Variants in THEM4 observed in about 807,000 individuals in gnomAD.
THEM4 encodes thioesterase superfamily member 4.
A neutral mutation model predicts 25.0 loss-of-function variants in THEM4; 22 were observed. That is an observed-to-expected ratio of 0.88 (90% CI 0.63 to 1.26). The LOEUF (loss-of-function observed/expected upper bound fraction) is 1.26. Among genes scored for constraint, THEM4 ranks in the 50% most tolerant of loss-of-function variants. The pLI is 0.00. For synonymous variants in THEM4, 113 were observed against 105.6 expected (o/e 1.07, Z -0.43); for missense variants, 286 against 300.3 (o/e 0.95, Z 0.35).
intron 1 of THEM4, 24 bp from the exon 2 acceptor site, chr1:151,895,218 AG>A: frequency 6.4e-7 from 1 of 1,568,054 alleles, no homozygotes; most frequent in East Asian, 2.3e-5. Flanking sequence ...GAAAAAGAAA[AG>A]TAAGTAATGG....
chr1:151,909,197 T>C (rs1008330935), intron 1 of THEM4, among the ~76,000 whole-genome samples, 163 bp downstream of exon 1: 1 of 152,222 alleles, frequency 6.6e-6, no homozygotes, highest in Non-Finnish European at 1.5e-5. Context: ...ATCTCAGGAC[T>C]GTATTCCTAG....
Position 151,874,811 on chromosome 1 carries a change from G to A in THEM4, c.*77C>T. On this transcript the variant is annotated 3_prime_UTR_variant, in exon 6 of 6. Coordinates refer to ENST00000368814, the MANE Select transcript of THEM4 (RefSeq NM_053055.5). ...GGCTTCTCCCTACAGGGATTCAGCA[G>A]TGAGGGAGCAGAGTATTTGGGGGAC... 3 of 1,353,654 alleles carry A rather than the reference G, an allele frequency of 2.2e-6. No homozygotes were observed. Among genetic ancestry groups the A allele is most frequent in the Admixed American group, 1.7e-5 (1 of 59,580 alleles). The allele number at this position is 1,353,654 out of a possible 1,614,324, so 83.9% of individuals were successfully genotyped here.
chr1:151,904,195 A>G (rs543302502), intron 1 of THEM4, among the ~76,000 whole-genome samples: 2 of 152,202 alleles, frequency 1.3e-5, no homozygotes, highest in Non-Finnish European at 2.9e-5. Flanking sequence ...CTAGGGTTTC[A>G]GCCTTCATAT....
At chr1:151,908,772 G>C (rs1432032342) in intron 1 of THEM4, among the ~76,000 whole-genome samples, 1 of 152,154 alleles carries the variant, frequency 6.6e-6, no homozygotes, top group African/African-American at 2.4e-5. Context: ...GCCTGCATAA[G>C]AGGGGCGATC....
In THEM4 at chr1:151,888,315, C is replaced by T; in HGVS notation, c.515G>A (p.Gly172Glu). 1.2e-6 allele frequency: 2 copies of T among 1,613,556 alleles called. No homozygotes were observed. The highest frequency in any genetic ancestry group is 1.7e-4 in the Middle Eastern group (1 of 6,050). Residue 172 changes from glycine to glutamate, a missense_variant, in exon 4 of 6, where the codon GGG (glycine) becomes GAG (glutamate). Physicochemically the swap from Gly to Glu is moderately conservative, Grantham distance 98 (BLOSUM62 -2). Coordinates refer to ENST00000368814, the MANE Select transcript of THEM4 (RefSeq NM_053055.5). ...GAGATTGGCAGTCATGACGATTCCC[C>T]CAGCCATCATTGCACACATACCAAC... ...ATVGMCAMMAGGIVMTANLNI... is the reference protein window; with the variant it reads ...ATVGMCAMMAEGIVMTANLNI...
intron 4 of THEM4, among the ~76,000 whole-genome samples, chr1:151,887,398 C>T (rs375038207): frequency 1.3e-5 from 2 of 151,580 alleles, no homozygotes; most frequent in African/African-American, 4.8e-5. Flanking sequence ...CCACCACACT[C>T]CAGCCTGAGC....
chr1:151,892,451 G>A (rs1271723242), intron 2 of THEM4, among the ~76,000 whole-genome samples: 1 of 152,178 alleles, frequency 6.6e-6, no homozygotes, highest in Non-Finnish European at 1.5e-5. Context: ...ATTGTGCTGG[G>A]ATAAGGACAG....
intron 2 of THEM4, among the ~76,000 whole-genome samples, chr1:151,892,262 G>C (rs1195223665): frequency 6.6e-6 from 1 of 152,184 alleles, no homozygotes. Flanking sequence ...GGAGCAAGTA[G>C]AAGGAGGAGG....
intron 2 of THEM4, among the ~76,000 whole-genome samples, chr1:151,893,787 AGGGAG>A (rs1473726214): frequency 6.6e-6 from 1 of 152,158 alleles, no homozygotes; most frequent in East Asian, 1.9e-4. Flanking sequence ...TCATCCAGTA[AGGGAG>A]GAGAGTGAAT....
At chr1:151,886,083 G>A (rs1653962975) in intron 4 of THEM4, among the ~76,000 whole-genome samples, 1 of 152,098 alleles carries the variant, frequency 6.6e-6, no homozygotes, top group African/African-American at 2.4e-5. Context: ...CTGGTCTTTA[G>A]TCATCAACTA....
intron 1 of THEM4, among the ~76,000 whole-genome samples, chr1:151,895,726 C>T (rs1393139368): frequency 2.0e-5 from 3 of 151,640 alleles, no homozygotes; most frequent in African/African-American, 7.3e-5. Context: ...TGTGTGTTCC[C>T]GCTCAAATCT....
At chr1:151,886,414 G>A (rs1384525262) in intron 4 of THEM4, among the ~76,000 whole-genome samples, 1 of 152,072 alleles carries the variant, frequency 6.6e-6, no homozygotes, top group African/African-American at 2.4e-5. Context: ...TGTTTTCAAA[G>A]TAACCGTTTA....
intron 1 of THEM4, among the ~76,000 whole-genome samples, chr1:151,907,738 G>A (rs1417277081): frequency 6.6e-6 from 1 of 152,096 alleles, no homozygotes; most frequent in Non-Finnish European, 1.5e-5. Context: ...TCTTCTTTTT[G>A]GGGGGACAGC....
intron 4 of THEM4, among the ~76,000 whole-genome samples, chr1:151,883,941 G>A (rs1348412019): frequency 6.6e-6 from 1 of 152,010 alleles, no homozygotes; most frequent in Non-Finnish European, 1.5e-5. Context: ...CGGGTATGGT[G>A]GCCTATGCCT....
intron 1 of THEM4, among the ~76,000 whole-genome samples, chr1:151,908,716 C>T (rs1038150376): frequency 1.3e-5 from 2 of 152,126 alleles, no homozygotes; most frequent in African/African-American, 2.4e-5. Flanking sequence ...TGTTTCTTTG[C>T]GGTCGACTGA....
At chr1:151,904,750 G>A (rs559296649) in intron 1 of THEM4, among the ~76,000 whole-genome samples, 1 of 152,312 alleles carries the variant, frequency 6.6e-6, no homozygotes, top group East Asian at 1.9e-4. Context: ...GGGAGTTACT[G>A]ACTGGGAAAG....
At chr1:151,900,438 C>T (rs1469759828) in intron 1 of THEM4, among the ~76,000 whole-genome samples, 3 of 152,102 alleles carry the variant, frequency 2.0e-5, no homozygotes, top group African/African-American at 7.2e-5. Context: ...CTTCAAGAGA[C>T]TCACCTAGCA....
rs922712312 is a variant in THEM4 at position 151,894,902 on chromosome 1, C to T, written c.286+106G>A. 6 of 1,274,334 alleles carry T rather than the reference C, an allele frequency of 4.7e-6. No individual in the cohort carries two copies. In the East Asian group the frequency reaches 1.4e-4, roughly 30 times the overall value. The allele number at this position is 1,274,334 out of a possible 1,614,324, so 78.9% of individuals were successfully genotyped here. ...AATTGGTGACTATAGAACCATAATC[C>T]TGCATTATATTCTTTCTTTTTTTCA... On this transcript the variant is annotated intron_variant, in intron 2 of 5. Transcript: ENST00000368814.
intron 2 of THEM4, chr1:151,890,423 A>T (rs1472876576): frequency 1.4e-5 from 3 of 217,196 alleles, no homozygotes; most frequent in Non-Finnish European, 3.0e-5. Flanking sequence ...TATCTATTTT[A>T]AAATTTAATC....
Sources: allele counts gnomAD v4.1 joint callset (sites outside exome capture counted in the v4.1 genomes callset), GRCh38; gene constraint gnomAD v4.1.1; transcripts MANE v1.5; gene names NCBI Gene and HGNC (gene_info 2026-07-23, HGNC 2026-07-21).